Variants in CHRDL1 observed in about 807,000 individuals in gnomAD.
The protein encoded by CHRDL1 is chordin-like protein 1.
In CHRDL1, 19 loss-of-function variants were observed where a neutral mutation model predicts 40.9. The ratio of observed to expected loss-of-function variants is 0.46; its 90% CI spans 0.32 to 0.68. CHRDL1 has a LOEUF of 0.68. Among genes scored for constraint, CHRDL1 ranks in the 30% least tolerant of loss-of-function variants. The pLI, the probability that CHRDL1 is intolerant of heterozygous loss-of-function variation, is 0.03. For synonymous variants in CHRDL1, 136 were observed against 123.4 expected, an observed-to-expected ratio of 1.10 and a Z score of -0.68; for missense variants, 329 against 352.1, an observed-to-expected ratio of 0.93 and a Z score of 0.53.
chrX:110,686,608 G>A (rs756060754), intron 9 of CHRDL1, among the ~76,000 whole-genome samples: 18 of 110,845 alleles, frequency 1.6e-4, no homozygotes, highest in African/African-American at 5.9e-4. Context: ...TGGGTGGCCC[G>A]GATGTCCATA....
chrX:110,777,867 T>C (rs2089877089), intron 2 of CHRDL1, among the ~76,000 whole-genome samples: 1 of 111,826 alleles, frequency 8.9e-6, no homozygotes, highest in Non-Finnish European at 1.9e-5. Context: ...GTCAAATTTA[T>C]CAATTCTTTC....
intron 2 of CHRDL1, among the ~76,000 whole-genome samples, chrX:110,766,261 T>C (rs2089659549): frequency 1.8e-5 from 2 of 109,992 alleles, no homozygotes; most frequent in African/African-American, 6.6e-5. Context: ...AGAGCACAAA[T>C]AGACAATCTA....
In CHRDL1 at chrX:110,708,273, T is replaced by C. The variant is rs372986529; in HGVS notation, c.542-7552A>G. Among the ~76,000 whole-genome samples the C allele has an allele frequency of 9.0e-5, 10 of 110,803 alleles. 1 individual carries two copies. The East Asian group carries it at 1.7e-3, about 19-fold the overall frequency. On this transcript the variant is annotated intron_variant, in intron 6 of 11. Transcript: ENST00000372042. ...CTAGAACCAGAAATACCATTTGACCTAGCAATCCCATTACTGAGTATATAC... is the reference window on the plus strand; with the variant it reads ...CTAGAACCAGAAATACCATTTGACCCAGCAATCCCATTACTGAGTATATAC...
At chrX:110,731,919 A>C (rs1459831988) in intron 4 of CHRDL1, among the ~76,000 whole-genome samples, 1 of 110,320 alleles carries the variant, frequency 9.1e-6, no homozygotes. Flanking sequence ...AATATACTAA[A>C]ACCAACTTTA....
intron 2 of CHRDL1, among the ~76,000 whole-genome samples, chrX:110,764,096 T>A (rs753772458): frequency 9.0e-6 from 1 of 111,218 alleles, no homozygotes; most frequent in Admixed American, 9.5e-5. Flanking sequence ...TTTGATAGGA[T>A]TTTTTTTTCT....
intron 4 of CHRDL1, among the ~76,000 whole-genome samples, chrX:110,722,293 G>A (rs1037529738): frequency 9.0e-6 from 1 of 110,662 alleles, no homozygotes; most frequent in Non-Finnish European, 1.9e-5. Context: ...CATGGCGCCC[G>A]GCCACCGCCT....
At chrX:110,679,277 A>G in intron 11 of CHRDL1, 59 bp downstream of exon 11, 6 of 800,124 alleles carry the variant, frequency 7.5e-6, no homozygotes, top group Non-Finnish European at 9.6e-6. Context: ...AGCTGTGGCT[A>G]TGCTAAATTG....
chrX:110,745,784 A>C (rs917367269), intron 4 of CHRDL1, among the ~76,000 whole-genome samples: 2 of 112,210 alleles, frequency 1.8e-5, no homozygotes, highest in Non-Finnish European at 3.8e-5. Context: ...GCTATGTCTC[A>C]AAGCTTATAC....
rs991092334 is a variant in CHRDL1, at chrX:110,674,602, C to A, written c.*1629G>T. 1.8e-5 allele frequency: 2 copies of A among 111,758 alleles called. No individual in the cohort carries two copies. The highest frequency in any genetic ancestry group is 6.5e-5 in the African/African-American group (2 of 30,754). The allele number at this position is 111,758 out of a possible 1,213,427, so 9.2% of individuals were successfully genotyped here. On this transcript the variant is annotated 3_prime_UTR_variant, in exon 12 of 12. Coordinates refer to ENST00000372042, the MANE Select transcript of CHRDL1 (RefSeq NM_001143981.2). ...TGGTGAGAGTCTTGTCCCAAGAAAC[C>A]CTGGCCATAAGGCCCTTGTGTCTCT... is the stretch of plus-strand genomic sequence containing the variant.
chrX:110,700,992 C>A (rs2070501552), intron 6 of CHRDL1, among the ~76,000 whole-genome samples: 1 of 112,140 alleles, frequency 8.9e-6, no homozygotes, highest in African/African-American at 3.2e-5. Flanking sequence ...TAATCACTTT[C>A]CACCTAATTT....
At chrX:110,695,425 AG>A (rs2070366244) in intron 7 of CHRDL1, among the ~76,000 whole-genome samples, 1 of 111,940 alleles carries the variant, frequency 8.9e-6, no homozygotes, top group Non-Finnish European at 1.9e-5. Context: ...TCTTTCAGCA[AG>A]GGTTCAACAC....
chrX:110,691,096 C>G (rs1198169296), intron 8 of CHRDL1, among the ~76,000 whole-genome samples: 2 of 108,970 alleles, frequency 1.8e-5, no homozygotes, highest in Admixed American at 1.0e-4. Flanking sequence ...TGCCTGTAGT[C>G]CTAGCTACTT....
At chrX:110,751,478 G>A (rs1471593769) in intron 4 of CHRDL1, among the ~76,000 whole-genome samples, 4 of 111,876 alleles carry the variant, frequency 3.6e-5, no homozygotes, top group East Asian at 2.8e-4. Flanking sequence ...GGGTACTAAT[G>A]TATCAAGGCT....
chrX:110,694,129 T>G, intron 8 of CHRDL1, 34 bp downstream of exon 8: 1 of 1,136,873 alleles, frequency 8.8e-7, no homozygotes, highest in Non-Finnish European at 1.2e-6. Flanking sequence ...TGAAGCCTTG[T>G]TGTGGAAGTA....
At position 110,689,715 on chromosome X, in the gene CHRDL1, A is replaced by C. The variant is rs759379864; in HGVS notation, c.779-912T>G. Among the ~76,000 whole-genome samples, 3 of 42,718 alleles carry C rather than the reference A, an allele frequency of 7.0e-5. 1 individual carries two copies. The highest frequency in any genetic ancestry group is 1.0e-4 in the Non-Finnish European group (3 of 28,692). The allele number at this position is 42,718 out of a possible 115,157, so 37.1% of individuals were successfully genotyped here. On this transcript the variant is annotated intron_variant, in intron 8 of 11. Transcript: ENST00000372042. ...TCTATATATCTATATATCTATATATATATCTATATATATCTATATATCTAT... is the reference window on the plus strand; with the variant it reads ...TCTATATATCTATATATCTATATATCTATCTATATATATCTATATATCTAT...
intron 8 of CHRDL1, among the ~76,000 whole-genome samples, chrX:110,689,778 TATCTATATATATCTATAC>T (rs1569462221): frequency 4.6e-4 from 36 of 77,898 alleles, no homozygotes; most frequent in Non-Finnish European, 5.9e-4. Context: ...TATATCTATA[TATCTATATATATCTATAC>T]ATCTATATAT....
chrX:110,679,094 C>T (rs1290757847), intron 11 of CHRDL1, among the ~76,000 whole-genome samples: 1 of 111,328 alleles, frequency 9.0e-6, no homozygotes, highest in East Asian at 2.8e-4. Context: ...GAAGCCTTGA[C>T]CTGAGGTATC....
At chrX:110,732,701 G>A (rs1047000838) in intron 4 of CHRDL1, among the ~76,000 whole-genome samples, 14 of 110,359 alleles carry the variant, frequency 1.3e-4, no homozygotes, top group African/African-American at 2.6e-4. Context: ...GATGGCTTGA[G>A]GAGAGAGTGT....
intron 4 of CHRDL1, among the ~76,000 whole-genome samples, chrX:110,736,933 A>T (rs2071274350): frequency 8.9e-6 from 1 of 111,975 alleles, no homozygotes. Flanking sequence ...ATTATAGATG[A>T]GGAAACAAAG....
Sources: allele counts gnomAD v4.1 joint callset (sites outside exome capture counted in the v4.1 genomes callset), GRCh38; gene constraint gnomAD v4.1.1; transcripts MANE v1.5; gene names NCBI Gene and HGNC (gene_info 2026-07-23, HGNC 2026-07-21).